The following MROH9 variants were observed in gnomAD, a reference collection of about 807,000 sequenced individuals.
MROH9 encodes maestro heat-like repeat-containing protein family member 9.
MROH9 carries 92 observed loss-of-function variants against 98.2 expected under a neutral mutation model. That is an observed-to-expected ratio of 0.94 (90% CI 0.79 to 1.11). MROH9 has a LOEUF of 1.11. Ranked by LOEUF, MROH9 falls within the 50% of genes most tolerant of loss-of-function variation. The probability of loss-of-function intolerance (pLI) is 0.00; values close to 1 mark genes in which losing one functional copy is unlikely to be tolerated. For synonymous variants in MROH9, 397 were observed against 368.9 expected (o/e 1.08, Z -0.87); for missense variants, 1,057 against 1,014.8 (o/e 1.04, Z -0.57).
Position 170,986,548 on chromosome 1 carries a change from T to C in MROH9, c.730-13T>C, listed in dbSNP as rs765298917. On this transcript the variant is annotated splice_polypyrimidine_tract_variant and intron_variant, in intron 9 of 21. Transcript: ENST00000367759. Reference sequence around the variant, plus strand: ...GTAAGGCCTGAGGTCATGATTATCCTTTGTGGTTGCAGAGAGTAGGGCAAA... The same window carrying C: ...GTAAGGCCTGAGGTCATGATTATCCCTTGTGGTTGCAGAGAGTAGGGCAAA... The C allele has an allele frequency of 6.2e-7, 1 of 1,611,104 alleles. No individual in the cohort carries two copies.
chr1:170,942,239 T>C, intron 1 of MROH9, among the ~76,000 whole-genome samples: 1 of 152,034 alleles, frequency 6.6e-6, no homozygotes, highest in East Asian at 1.9e-4. Flanking sequence ...CTTCTGCAAT[T>C]TGAGTCTAGT....
In MROH9 at chr1:170,992,265, T is replaced by C; in HGVS notation, c.1130T>C (p.Met377Thr). Residue 377 changes from methionine (M) to threonine (T), a missense_variant, in exon 12 of 22, where the codon ATG becomes ACG. Physicochemically the swap from Met to Thr is moderately conservative, Grantham distance 81. Coordinates refer to ENST00000367759, the MANE Select transcript of MROH9 (RefSeq NM_001163629.2). ...ATACTGAAAGGAAAGCCTGGGGAAA[T>C]GGAGGACACCGTAACGGAAGGGAAA... ...LLILKGKPGE[M>T]EDTVTEGKRF... 1 of 1,613,606 alleles carries C rather than the reference T, an allele frequency of 6.2e-7. No homozygotes were observed. Among genetic ancestry groups the C allele is most frequent in the Non-Finnish European group, 8.5e-7 (1 of 1,179,694 alleles).
chr1:171,036,729 AAAAT>A (rs1045815663), intron 20 of MROH9, among the ~76,000 whole-genome samples: 25 of 151,756 alleles, frequency 1.6e-4, no homozygotes, highest in African/African-American at 4.8e-4. Context: ...ACAAAAAATA[AAAAT>A]AAATAAATAA....
intron 20 of MROH9, among the ~76,000 whole-genome samples, chr1:171,026,177 G>A (rs1485905808): frequency 1.3e-5 from 2 of 152,088 alleles, no homozygotes; most frequent in East Asian, 3.9e-4. Context: ...AATCAGAGAG[G>A]AGGGGCAGAA....
At chr1:171,026,969 A>G (rs368836503) in intron 20 of MROH9, among the ~76,000 whole-genome samples, 2 of 152,184 alleles carry the variant, frequency 1.3e-5, no homozygotes, top group African/African-American at 4.8e-5. Context: ...ATGAAAATTA[A>G]ATTACAACCA....
At position 170,987,410 on chromosome 1, in the gene MROH9, G is replaced by C. The variant is rs144579629; in HGVS notation, c.879+700G>C. Among the ~76,000 whole-genome samples, 489 of 152,294 alleles carry C rather than the reference G, an allele frequency of 3.2e-3. 6 individuals carry two copies. The highest frequency in any genetic ancestry group is 0.011 in the African/African-American group (448 of 41,562). ...TAATTTGTGGGGCTCAGTGCACAAC[G>C]AAATCTGGGACTGCTTCCTTACAAC... On this transcript the variant is annotated intron_variant, in intron 10 of 21. Transcript: ENST00000367759.
At chr1:170,991,021 T>A (rs375012656) in intron 11 of MROH9, among the ~76,000 whole-genome samples, 1 of 152,138 alleles carries the variant, frequency 6.6e-6, no homozygotes, top group African/African-American at 2.4e-5. Context: ...ATCCAGGAAC[T>A]AAGCACCCAC....
chr1:171,060,954 A>G (rs1055171945), intron 20 of MROH9, among the ~76,000 whole-genome samples: 2 of 152,186 alleles, frequency 1.3e-5, no homozygotes, highest in African/African-American at 4.8e-5. Flanking sequence ...ATGAGATAAG[A>G]GAAGATATTG....
chr1:171,022,599 G>A (rs955789696), intron 17 of MROH9, among the ~76,000 whole-genome samples: 1 of 152,076 alleles, frequency 6.6e-6, no homozygotes, highest in African/African-American at 2.4e-5. Context: ...GGCCACTTGG[G>A]GGGTGGGTGG....
At chr1:171,005,010 G>A (rs1651909020) in intron 15 of MROH9, among the ~76,000 whole-genome samples, 1 of 151,396 alleles carries the variant, frequency 6.6e-6, no homozygotes, top group Non-Finnish European at 1.5e-5. Flanking sequence ...TGTAAAACAA[G>A]CCATTGGAAT....
Position 170,990,010 on chromosome 1 carries a change from C to A in MROH9, c.1028+7C>A, listed in dbSNP as rs1420193199. 6.2e-7 allele frequency: 1 copy of A among 1,606,370 alleles called. No individual in the cohort carries two copies. Among genetic ancestry groups the A allele is most frequent in the Non-Finnish European group, 8.5e-7 (1 of 1,174,962 alleles). The stretch of plus-strand genomic sequence containing the variant: ...ACCCAGTTCCAGCAGACGAGTAAGG[C>A]CCCCCAACCCTCTGTCCCTTCCACA... On this transcript the variant is annotated splice_region_variant and intron_variant, in intron 11 of 21. Coordinates refer to ENST00000367759, the MANE Select transcript of MROH9 (RefSeq NM_001163629.2).
chr1:170,954,953 C>G (rs371997059), intron 3 of MROH9, among the ~76,000 whole-genome samples: 1 of 151,818 alleles, frequency 6.6e-6, no homozygotes, highest in East Asian at 1.9e-4. Context: ...TAGCCTTTAT[C>G]CCTATCCCCC....
intron 3 of MROH9, among the ~76,000 whole-genome samples, chr1:170,952,381 A>C (rs1399482426): frequency 6.6e-6 from 1 of 152,196 alleles, no homozygotes; most frequent in East Asian, 1.9e-4. Flanking sequence ...CTGGATTAAG[A>C]AAATGTGGCA....
At chr1:171,013,183 C>T (rs1010003776) in intron 15 of MROH9, among the ~76,000 whole-genome samples, 1 of 152,178 alleles carries the variant, frequency 6.6e-6, no homozygotes, top group Admixed American at 6.5e-5. Flanking sequence ...ATCTACATTA[C>T]ACAATGTAAA....
At chr1:170,950,913 T>C (rs966701445) in intron 3 of MROH9, among the ~76,000 whole-genome samples, 1 of 152,126 alleles carries the variant, frequency 6.6e-6, no homozygotes, top group Non-Finnish European at 1.5e-5. Context: ...TAATTTTTAT[T>C]CTTTATTTTC....
At chr1:170,971,617 A>G (rs1352140215) in intron 7 of MROH9, 131 bp from the exon 8 acceptor site, 1 of 1,049,486 alleles carries the variant, frequency 9.5e-7, no homozygotes, top group African/African-American at 1.6e-5. Context: ...CCAGGATTTG[A>G]TTACAGATAT....
intron 20 of MROH9, among the ~76,000 whole-genome samples, chr1:171,046,697 T>C (rs540134697): frequency 9.2e-5 from 14 of 152,346 alleles, no homozygotes; most frequent in African/African-American, 3.1e-4. Flanking sequence ...ATAGTTTATA[T>C]ACCACAGTCA....
intron 10 of MROH9, among the ~76,000 whole-genome samples, chr1:170,988,812 C>T (rs921783308): frequency 6.6e-6 from 1 of 152,148 alleles, no homozygotes; most frequent in Non-Finnish European, 1.5e-5. Flanking sequence ...ATTTTTATAA[C>T]TGGACCTAAA....
intron 7 of MROH9, among the ~76,000 whole-genome samples, chr1:170,970,224 A>C (rs991654157): frequency 1.3e-5 from 2 of 152,168 alleles, no homozygotes; most frequent in Admixed American, 1.3e-4. Flanking sequence ...AAAACCTGTA[A>C]TATAAGATGA....
Sources: allele counts gnomAD v4.1 joint callset (sites outside exome capture counted in the v4.1 genomes callset), GRCh38; gene constraint gnomAD v4.1.1; transcripts MANE v1.5; gene names NCBI Gene and HGNC (gene_info 2026-07-23, HGNC 2026-07-21).